The following DARS1 variants were observed in gnomAD, a reference collection of about 807,000 sequenced individuals.
The protein encoded by DARS1 is aspartyl-tRNA synthetase 1.
In DARS1, 51 loss-of-function variants were observed where a neutral mutation model predicts 68.8. The ratio of observed to expected loss-of-function variants is 0.74; its 90% confidence interval spans 0.59 to 0.94. The LOEUF is 0.94. Among genes scored for constraint, DARS1 ranks in the 40% least tolerant of loss-of-function variants. DARS1 has a pLI of 0.00. For missense variants in DARS1, 607 were observed against 597.3 expected, an observed-to-expected ratio of 1.02 and a Z score of -0.17; for synonymous variants, 203 against 190.4, an observed-to-expected ratio of 1.07 and a Z score of -0.55.
At chr2:135,958,914 G>A (rs1682037708) in intron 4 of DARS1, among the ~76,000 whole-genome samples, 1 of 151,560 alleles carries the variant, frequency 6.6e-6, no homozygotes, top group Non-Finnish European at 1.5e-5. Flanking sequence ...CCTACACATT[G>A]CTACTTTATA....
chr2:135,946,789 C>T (rs968408067), intron 4 of DARS1, among the ~76,000 whole-genome samples: 4 of 152,114 alleles, frequency 2.6e-5, no homozygotes, highest in African/African-American at 9.7e-5. Flanking sequence ...GCTGCTGGGT[C>T]CCAGTATCAG....
In DARS1 at chr2:135,979,265, C is replaced by T. The variant is rs376296354; in HGVS notation, c.217+9G>A. 8.5e-7 allele frequency: 1 copy of T among 1,169,914 alleles called. No homozygotes were observed. Among genetic ancestry groups the T allele is most frequent in the South Asian group, 1.2e-5 (1 of 80,468 alleles). The allele number at this position is 1,169,914 out of a possible 1,614,324, so 72.5% of individuals were successfully genotyped here. ...ACCGAAAGAGCTTTAATAATGAAAC[C>T]AATCCTACCTTTAGCTCTGCTTGTA... On this transcript the variant is annotated intron_variant, in intron 3 of 15. Transcript: ENST00000264161.
intron 2 of DARS1, among the ~76,000 whole-genome samples, chr2:135,982,653 T>G (rs1222549033): frequency 1.3e-5 from 2 of 149,492 alleles, no homozygotes; most frequent in Admixed American, 6.7e-5. Context: ...AAAAGAGCGG[T>G]TATAAGAAAA....
intron 4 of DARS1, among the ~76,000 whole-genome samples, chr2:135,950,574 GT>G (rs1477250187): frequency 6.6e-6 from 1 of 152,188 alleles, no homozygotes; most frequent in African/African-American, 2.4e-5. Context: ...GTGATGTACT[GT>G]TTTTAATAAT....
rs142100424 is a variant in DARS1 at position 135,970,783 on chromosome 2, T to C, written c.217+8491A>G. Among the ~76,000 whole-genome samples the C allele has an allele frequency of 3.3e-3, 509 of 152,166 alleles. 3 individuals are homozygous for C. The highest frequency in any genetic ancestry group is 0.028 in the South Asian group (133 of 4,822). On this transcript the variant is annotated intron_variant, in intron 3 of 15. Coordinates refer to ENST00000264161, the MANE Select transcript of DARS1 (RefSeq NM_001349.4). ...ATGAAAAAGGAGACATTACAACTGATACCATAGAAATTCAAAAGATTAGTG... is the reference window on the plus strand; with the variant it reads ...ATGAAAAAGGAGACATTACAACTGACACCATAGAAATTCAAAAGATTAGTG...
intron 4 of DARS1, among the ~76,000 whole-genome samples, chr2:135,950,980 GGC>G (rs1436597533): frequency 2.0e-5 from 3 of 152,158 alleles, no homozygotes; most frequent in Admixed American, 6.6e-5. Flanking sequence ...GTCAGGAAGA[GGC>G]TGAAAAGACT....
In DARS1 at chr2:135,955,326, T is replaced by C. The variant is rs1056605475; in HGVS notation, c.320+6070A>G. 3.9e-5 allele frequency among the ~76,000 whole-genome samples: 6 copies of C among 152,270 alleles called. No homozygotes were observed. In the South Asian group the frequency reaches 1.2e-3, roughly 32 times the overall value. Reference sequence around the variant, plus strand: ...TTAGCTTTCTGGTTGTCAGAAATAATGTGTTAAATCTTACTATATACTCAA... The same window carrying C: ...TTAGCTTTCTGGTTGTCAGAAATAACGTGTTAAATCTTACTATATACTCAA... On this transcript the variant is annotated intron_variant, in intron 4 of 15. Transcript: ENST00000264161.
At chr2:135,921,892 A>G (rs982122167) in intron 9 of DARS1, among the ~76,000 whole-genome samples, 3 of 152,232 alleles carry the variant, frequency 2.0e-5, no homozygotes, top group African/African-American at 7.2e-5. Flanking sequence ...GGTGTTCAAC[A>G]AATAACTAGT....
intron 3 of DARS1, among the ~76,000 whole-genome samples, chr2:135,971,871 T>C (rs1682378111): frequency 6.6e-6 from 1 of 151,852 alleles, no homozygotes; most frequent in East Asian, 1.9e-4. Context: ...ATTAAACACC[T>C]AGGAATTAAC....
rs766867333 is a variant in DARS1 at position 135,906,462 on chromosome 2, T to G, written c.*854A>C. Among the ~76,000 whole-genome samples, 3 of 152,314 alleles carry G rather than the reference T, an allele frequency of 2.0e-5. No individual in the cohort carries two copies. The highest frequency in any genetic ancestry group is 4.4e-5 in the Non-Finnish European group (3 of 68,022). On this transcript the variant is annotated 3_prime_UTR_variant, in exon 16 of 16. Transcript: ENST00000264161. Reference sequence around the variant, plus strand: ...TCAAACAAAATTCTGCAATATATTTTAACCCATGTGAAATGAACTCTGTCA... The same window carrying G: ...TCAAACAAAATTCTGCAATATATTTGAACCCATGTGAAATGAACTCTGTCA...
chr2:135,953,359 TA>T (rs1281422506), intron 4 of DARS1, among the ~76,000 whole-genome samples: 1 of 152,246 alleles, frequency 6.6e-6, no homozygotes, highest in African/African-American at 2.4e-5. Context: ...TCCACAATCT[TA>T]GTAAAAGATA....
Position 135,905,896 on chromosome 2 carries a change from T to G in DARS1, c.*1420A>C, listed in dbSNP as rs1212590032. Among the ~76,000 whole-genome samples the G allele has an allele frequency of 6.6e-6, 1 of 152,198 alleles. No individual in the cohort carries two copies. Among genetic ancestry groups the G allele is most frequent in the Non-Finnish European group, 1.5e-5 (1 of 68,038 alleles). ...TACATCATTCTAAGACTTTACAAAC[T>G]TTATTTTGAAACAAGCTATAATTAC... is the stretch of plus-strand genomic sequence containing the variant. On this transcript the variant is annotated 3_prime_UTR_variant, in exon 16 of 16. Coordinates refer to ENST00000264161, the MANE Select transcript of DARS1 (RefSeq NM_001349.4).
intron 5 of DARS1, among the ~76,000 whole-genome samples, chr2:135,940,634 AAC>A (rs1414142706): frequency 3.3e-5 from 5 of 152,190 alleles, no homozygotes; most frequent in African/African-American, 9.7e-5. Flanking sequence ...ACTCCTATTC[AAC>A]ACAGTGTTGG....
chr2:135,957,002 T>C (rs937235872), intron 4 of DARS1, among the ~76,000 whole-genome samples: 5 of 152,066 alleles, frequency 3.3e-5, no homozygotes, highest in African/African-American at 1.2e-4. Flanking sequence ...TGACCTCAGA[T>C]GATACACCCA....
rs1007577894 is a variant in DARS1, at chr2:135,906,883, T to A, written c.*433A>T. ...TCAGATGCTACCTGAATTATTCTTA[T>A]CTCAATGACAGAATTTAAAAAAATA... is the stretch of plus-strand genomic sequence containing the variant. On this transcript the variant is annotated 3_prime_UTR_variant, in exon 16 of 16. Transcript: ENST00000264161. The A allele has an allele frequency of 9.8e-5, 15 of 152,822 alleles. No homozygotes were observed. Among genetic ancestry groups the A allele is most frequent in the African/African-American group, 3.6e-4 (15 of 41,448 alleles). The allele number at this position is 152,822 out of a possible 1,614,324, so 9.5% of individuals were successfully genotyped here.
intron 8 of DARS1, 109 bp downstream of exon 8, chr2:135,924,278 A>G: frequency 4.0e-6 from 5 of 1,247,492 alleles, no homozygotes; most frequent in Non-Finnish European, 5.3e-6. Context: ...ATGGCAATAA[A>G]CCTTAATGGA....
chr2:135,910,976 T>C, intron 15 of DARS1, 163 bp downstream of exon 15: 1 of 532,632 alleles, frequency 1.9e-6, no homozygotes, highest in Non-Finnish European at 3.4e-6. Context: ...GCTAGAACTT[T>C]ATGACAATAA....
intron 7 of DARS1, among the ~76,000 whole-genome samples, chr2:135,924,843 G>A (rs182938309): frequency 6.4e-4 from 97 of 152,194 alleles, no homozygotes; most frequent in African/African-American, 2.3e-3. Flanking sequence ...CATAAAGTGA[G>A]ACATAGCAAT....
intron 7 of DARS1, among the ~76,000 whole-genome samples, chr2:135,925,071 G>A (rs185818951): frequency 3.6e-4 from 55 of 151,954 alleles, no homozygotes; most frequent in African/African-American, 1.3e-3. Context: ...CAATAGTAGC[G>A]CTCCAACTGT....
Sources: allele counts gnomAD v4.1 joint callset (sites outside exome capture counted in the v4.1 genomes callset), GRCh38; gene constraint gnomAD v4.1.1; transcripts MANE v1.5; gene names NCBI Gene and HGNC (gene_info 2026-07-23, HGNC 2026-07-21).